Variants in SELENON observed in about 807,000 individuals in gnomAD.
The protein encoded by SELENON is selenoprotein N.
In SELENON, 44 loss-of-function variants were observed where a neutral mutation model predicts 59.5. That is an observed-to-expected ratio of 0.74 (90% CI 0.58 to 0.95). The LOEUF is 0.95. Among genes scored for constraint, SELENON ranks in the 40% least tolerant of loss-of-function variants. SELENON has a pLI of 0.00. For missense variants in SELENON, 674 were observed against 721.4 expected (o/e 0.93, Z 0.75); for synonymous variants, 320 against 305.6 (o/e 1.05, Z -0.49).
chr1:25,811,912 G>A (rs567889182), intron 9 of SELENON, 33 bp downstream of exon 8: 1 of 1,546,354 alleles, frequency 6.5e-7, no homozygotes. Context: ...GCCAGGGTCA[G>A]GCTGCATGGG....
chr1:25,816,330 C>T lies in SELENON; in HGVS notation c.*612C>T, dbSNP rs2048010744. 6.5e-6 allele frequency: 1 copy of T among 152,866 alleles called. No homozygotes were observed. The highest frequency in any genetic ancestry group is 2.4e-5 in the African/African-American group (1 of 41,478). The allele number at this position is 152,866 out of a possible 1,614,324, so 9.5% of individuals were successfully genotyped here. ...TCAGAGTGGAAATCAGACGGGACCCCCTGCAGCTTCCCTGACCACGCCACT... is the reference window on the plus strand; with the variant it reads ...TCAGAGTGGAAATCAGACGGGACCCTCTGCAGCTTCCCTGACCACGCCACT... On this transcript the variant is annotated 3_prime_UTR_variant, in exon 13 of 13. Coordinates refer to ENST00000361547, the MANE Select transcript of SELENON (RefSeq NM_020451.3).
At position 25,802,114 on chromosome 1, in the gene SELENON, CT is replaced by C; in HGVS notation, c.401del (p.Leu134ArgfsTer?). On this transcript the variant is annotated frameshift_variant and splice_region_variant, in exon 3 of 13. Coordinates refer to ENST00000361547, the MANE Select transcript of SELENON (RefSeq NM_020451.3). LOFTEE classifies it high-confidence loss of function. ...CAATTGATCCTCCTGCCTCAGCCTCCTGAGTAAGTGGGACCACAGGCATGTG... is the reference window on the plus strand; with the variant it reads ...CAATTGATCCTCCTGCCTCAGCCTCCGAGTAAGTGGGACCACAGGCATGTG... 3.6e-6 allele frequency: 1 copy of C among 274,290 alleles called. No homozygotes were observed. Among genetic ancestry groups the C allele is most frequent in the South Asian group, 3.1e-5 (1 of 32,238 alleles). 17.0% of individuals were successfully genotyped at this position (274,290 alleles called of 1,614,324 possible). A position where few individuals can be genotyped will look rare whatever the true frequency, so the allele number is the denominator to read the frequency against.
rs1305701326 is a variant in SELENON, at chr1:25,815,992, G to T, written c.*274G>T. The T allele has an allele frequency of 6.2e-6, 3 of 485,784 alleles. No individual in the cohort carries two copies. The highest frequency in any genetic ancestry group is 3.4e-5 in the Admixed American group (1 of 29,658). 30.1% of individuals were successfully genotyped at this position (485,784 alleles called of 1,614,324 possible). A position where few individuals can be genotyped will look rare whatever the true frequency, so the allele number is the denominator to read the frequency against. On this transcript the variant is annotated 3_prime_UTR_variant, in exon 13 of 13. Transcript: ENST00000361547. ...CTCTGGAAGCTGCTTGGCCCCCCCA[G>T]ATCAGGGCCTGGGTGAACTCCCTGG... is the stretch of plus-strand genomic sequence containing the variant.
In SELENON at chr1:25,802,147, C is replaced by T. The variant is rs372715411; in HGVS notation, c.403+30C>T. 1.3e-4 allele frequency: 30 copies of T among 223,690 alleles called. 1 individual carries two copies. The highest frequency in any genetic ancestry group is 3.8e-4 in the African/African-American group (16 of 42,336). 13.9% of individuals were successfully genotyped at this position (223,690 alleles called of 1,614,324 possible). ...GTGGGACCACAGGCATGTGCTACCA[C>T]GCCCAGCTGATTTTTCTATTTTTGT... On this transcript the variant is annotated intron_variant, in intron 3 of 12. Transcript: ENST00000361547.
In SELENON at chr1:25,813,909, C is replaced by T; in HGVS notation, c.1416C>T (p.Val472=). 1.9e-6 allele frequency: 3 copies of T among 1,614,068 alleles called. No individual in the cohort carries two copies. Among genetic ancestry groups the T allele is most frequent in the Non-Finnish European group, 2.5e-6 (3 of 1,180,010 alleles). Residue 472 remains valine, a synonymous_variant, in exon 11 of 13, where the codon GTC becomes GTT. Transcript: ENST00000361547. ...CAGGGCGGACTCTCCGGGAGACTGT[C>T]CTGGAAAGTTCGCCCATCCTCACCC...
In SELENON at chr1:25,818,147, G is replaced by A. The variant is rs1412538186; in HGVS notation, c.*2429G>A. The stretch of plus-strand genomic sequence containing the variant: ...AGGCTCAGGGTGGGAGAGGGCCCCG[G>A]GCTGCCCTGTCACTCCTCTAACACT... On this transcript the variant is annotated 3_prime_UTR_variant, in exon 13 of 13. Transcript: ENST00000361547. 6.6e-6 allele frequency: 1 copy of A among 152,382 alleles called. No homozygotes were observed. The highest frequency in any genetic ancestry group is 1.5e-5 in the Non-Finnish European group (1 of 68,194). The allele number at this position is 152,382 out of a possible 1,614,324, so 9.4% of individuals were successfully genotyped here.
At chr1:25,800,649 G>T (rs1213116879) in intron 1 of SELENON, among the ~76,000 whole-genome samples, 2 of 152,006 alleles carry the variant, frequency 1.3e-5, no homozygotes, top group Admixed American at 1.3e-4. Flanking sequence ...AGACTGGAGG[G>T]GTCTCTATCC....
At chr1:25,801,235 CTGGAG>C in intron 2 of SELENON, 75 bp downstream of exon 2, 1 of 1,169,276 alleles carries the variant, frequency 8.6e-7, no homozygotes, top group Middle Eastern at 2.0e-4. Flanking sequence ...GAGCGGCCGT[CTGGAG>C]TGGAGGGAAG....
intron 1 of SELENON, among the ~76,000 whole-genome samples, 193 bp from the exon 2 acceptor site, chr1:25,800,850 A>G (rs978035376): frequency 6.6e-6 from 1 of 152,048 alleles, no homozygotes; most frequent in African/African-American, 2.4e-5. Flanking sequence ...CAGACAGTGG[A>G]TGAGCAGGGA....
chr1:25,800,704 T>TA (rs2047853607), intron 1 of SELENON, among the ~76,000 whole-genome samples: 1 of 150,926 alleles, frequency 6.6e-6, no homozygotes, highest in Admixed American at 6.6e-5. Flanking sequence ...CGCAGAGTCT[T>TA]AAAGGGTTAC....
rs1422014692 is a variant in SELENON at position 25,812,681 on chromosome 1, C to T, written c.1282-6C>T. On this transcript the variant is annotated splice_region_variant and splice_polypyrimidine_tract_variant and intron_variant, in intron 9 of 12. Coordinates refer to ENST00000361547, the MANE Select transcript of SELENON (RefSeq NM_020451.3). ...ATGGCTTCGCTCTGTCTCGGTGTGG[C>T]CCCAGGTCTCCTACTTGCCGTTCAC... 1 of 1,607,202 alleles carries T rather than the reference C, an allele frequency of 6.2e-7. No individual in the cohort carries two copies. Among genetic ancestry groups the T allele is most frequent in the Non-Finnish European group, 8.5e-7 (1 of 1,177,788 alleles).
chr1:25,815,741 C>CA lies in SELENON; in HGVS notation c.*24dup, dbSNP rs1456052427. The CA allele has an allele frequency of 6.2e-7, 1 of 1,611,382 alleles. No individual in the cohort carries two copies. The highest frequency in any genetic ancestry group is 8.5e-7 in the Non-Finnish European group (1 of 1,179,238). ...TAGAGTGCCTGGACGGGATCTGATG[C>CA]ACAGGCCCCCACGCCTCAGAGCCAG... On this transcript the variant is annotated 3_prime_UTR_variant, in exon 13 of 13. Coordinates refer to ENST00000361547, the MANE Select transcript of SELENON (RefSeq NM_020451.3).
intron 4 of SELENON, among the ~76,000 whole-genome samples, chr1:25,806,412 A>C (rs2047907772): frequency 6.6e-6 from 1 of 152,354 alleles, no homozygotes; most frequent in East Asian, 1.9e-4. Context: ...GGAGGCAAGA[A>C]GACCAGTTCT....
chr1:25,809,753 G>A lies in SELENON; in HGVS notation c.943G>A (p.Gly315Ser), dbSNP rs121908188. The A allele has an allele frequency of 5.1e-4, 821 of 1,613,918 alleles. 1 individual carries two copies. Among genetic ancestry groups the A allele is most frequent in the Non-Finnish European group, 6.7e-4 (791 of 1,180,030 alleles). Residue 315 changes from glycine (G) to serine (S), a missense_variant, in exon 7 of 13, where the codon GGC becomes AGC. Transcript: ENST00000361547. ...TTGGTTCTCCCCTGCTCAGTTCACC[G>A]GCCACATCATCCTCTCCAAAGACGC... is the stretch of plus-strand genomic sequence containing the variant.
Position 25,809,833 on chromosome 1 carries a change from C to G in SELENON, c.1010+13C>G. On this transcript the variant is annotated intron_variant, in intron 7 of 12. Transcript: ENST00000361547. ...TGCCCAACCACAGGTGGGAGCTTGA[C>G]CCTGGCCCAGCCTTGGCTCCCTCCT... The G allele has an allele frequency of 6.2e-7, 1 of 1,612,466 alleles. No individual in the cohort carries two copies. Among genetic ancestry groups the G allele is most frequent in the Non-Finnish European group, 8.5e-7 (1 of 1,179,990 alleles).
chr1:25,805,850 C>T (rs189335592), intron 4 of SELENON, among the ~76,000 whole-genome samples: 70 of 152,230 alleles, frequency 4.6e-4, no homozygotes, highest in African/African-American at 1.7e-3. Flanking sequence ...CAGCCCCTCC[C>T]CAACCCAAGG....
chr1:25,811,610 A>T, intron 8 of SELENON, 75 bp downstream of exon 7: 1 of 1,604,722 alleles, frequency 6.2e-7, no homozygotes, highest in Non-Finnish European at 8.5e-7. Context: ...TGAGTGGAGC[A>T]TTTTGGAGGG....
intron 10 of SELENON, among the ~76,000 whole-genome samples, chr1:25,813,053 C>T (rs1475623176): frequency 1.3e-5 from 2 of 152,230 alleles, no homozygotes; most frequent in African/African-American, 4.8e-5. Flanking sequence ...GTGTCTTCCC[C>T]TCTGTGAGCC....
rs773493822 is a variant in SELENON, at chr1:25,809,769, C to T, written c.959C>T (p.Ser320Phe). ...CAGTTCACCGGCCACATCATCCTCT[C>T]CAAAGACGCCACCCACGTCCGCGAC... The change falls in exon 7 of 13, where the codon TCC becomes TTC. Residue 320 changes from serine (S) to phenylalanine (F), a missense_variant. By Grantham distance (155) the Ser-to-Phe change is radical. Coordinates refer to ENST00000361547, the MANE Select transcript of SELENON (RefSeq NM_020451.3). The T allele has an allele frequency of 4.3e-6, 7 of 1,614,118 alleles. No individual in the cohort carries two copies. The highest frequency in any genetic ancestry group is 1.6e-4 in the Middle Eastern group (1 of 6,062).
Sources: allele counts gnomAD v4.1 joint callset (sites outside exome capture counted in the v4.1 genomes callset), GRCh38; gene constraint gnomAD v4.1.1; transcripts MANE v1.5; gene names NCBI Gene and HGNC (gene_info 2026-07-23, HGNC 2026-07-21).